The following ADSL variants were observed in gnomAD, a reference collection of about 807,000 sequenced individuals.
The protein encoded by ADSL is adenylosuccinate lyase.
In ADSL, 44 loss-of-function variants were observed where a neutral mutation model predicts 62.1. The observed-to-expected ratio is 0.71, with a 90% CI of 0.56 to 0.91. The LOEUF is 0.91. Ranked by LOEUF, ADSL falls within the 40% of genes least tolerant of loss-of-function variation. The pLI is 0.00. For missense variants in ADSL, 531 were observed against 627.4 expected, an observed-to-expected ratio of 0.85 and a Z score of 1.64; for synonymous variants, 198 against 220.5, an observed-to-expected ratio of 0.90 and a Z score of 0.90.
chr22:40,357,684 C>T (rs540272976), intron 4 of ADSL, among the ~76,000 whole-genome samples: 6 of 152,344 alleles, frequency 3.9e-5, no homozygotes, highest in Middle Eastern at 6.8e-3. Context: ...CAAAGGCTTT[C>T]CTCTACTTCC....
downstream of ADSL, among the ~76,000 whole-genome samples, chr22:40,370,376 T>A (rs944809299): frequency 1.4e-5 from 2 of 144,972 alleles, no homozygotes; most frequent in African/African-American, 2.6e-5. Context: ...AAAAAAAAAA[T>A]TAGCAAGTTA....
At chr22:40,379,713 C>T (rs748538700) in intron 2 of ADSL, among the ~76,000 whole-genome samples, 1 of 151,926 alleles carries the variant, frequency 6.6e-6, no homozygotes, top group African/African-American at 2.4e-5. Flanking sequence ...TTTGTGGTCT[C>T]TGTTCTTATT....
chr22:40,386,619 G>A (rs1214444984), intron 2 of ADSL, among the ~76,000 whole-genome samples: 3 of 124,292 alleles, frequency 2.4e-5, no homozygotes, highest in Non-Finnish European at 4.7e-5. Flanking sequence ...ATCAGGTCTC[G>A]CTATGTTGCC....
intron 1 of ADSL, 31 bp downstream of exon 1, chr22:40,346,742 G>C: frequency 3.8e-6 from 6 of 1,572,336 alleles, no homozygotes; most frequent in Non-Finnish European, 5.2e-6. Context: ...GGGCTGGGCC[G>C]GGAGGGACGG....
intron 2 of ADSL, among the ~76,000 whole-genome samples, chr22:40,350,620 ATT>A (rs561019643): frequency 2.0e-5 from 3 of 147,456 alleles, no homozygotes; most frequent in Non-Finnish European, 4.5e-5. Flanking sequence ...TTTCAAAGGA[ATT>A]TTTTTTTTTT....
At chr22:40,382,254 A>G (rs1292098087) in intron 2 of ADSL, among the ~76,000 whole-genome samples, 1 of 152,220 alleles carries the variant, frequency 6.6e-6, no homozygotes, top group Non-Finnish European at 1.5e-5. Flanking sequence ...CCATTTATCT[A>G]TTGCTGTTTA....
intron 10 of ADSL, among the ~76,000 whole-genome samples, chr22:40,363,691 G>A (rs911380616): frequency 2.2e-4 from 33 of 149,968 alleles, no homozygotes; most frequent in Non-Finnish European, 3.4e-4. Flanking sequence ...AGCCGAGATC[G>A]TGTCATTGTA....
At chr22:40,347,706 C>T (rs1369919805) in intron 1 of ADSL, among the ~76,000 whole-genome samples, 2 of 152,180 alleles carry the variant, frequency 1.3e-5, no homozygotes, top group Non-Finnish European at 2.9e-5. Context: ...CAGATAGTGC[C>T]TTCTGAGACC....
downstream of ADSL, chr22:40,373,203 C>A (rs2045916558): frequency 6.6e-6 from 1 of 152,202 alleles, no homozygotes; most frequent in Admixed American, 6.5e-5. Flanking sequence ...CTACCTGACT[C>A]TAAACTCTGC....
At chr22:40,380,301 T>G (rs1191254459) in intron 2 of ADSL, among the ~76,000 whole-genome samples, 4 of 152,154 alleles carry the variant, frequency 2.6e-5, no homozygotes, top group Non-Finnish European at 5.9e-5. Flanking sequence ...ATTCTGGCAT[T>G]TATTTCTTTA....
At chr22:40,383,061 C>T (rs1349807040) in intron 2 of ADSL, among the ~76,000 whole-genome samples, 1 of 152,192 alleles carries the variant, frequency 6.6e-6, no homozygotes, top group Non-Finnish European at 1.5e-5. Context: ...GCGATTACTA[C>T]TTCAAACATT....
At chr22:40,353,948 G>A in intron 3 of ADSL, 3 of 471,784 alleles carry the variant, frequency 6.4e-6, no homozygotes, top group Non-Finnish European at 1.2e-5. Flanking sequence ...TTTAAACGAA[G>A]AGAGTGCAAC....
intron 2 of ADSL, among the ~76,000 whole-genome samples, chr22:40,383,466 CA>C (rs534039238): frequency 0.3 from 26,535 of 87,242 alleles, 2,401 homozygotes; most frequent in Admixed American, 0.47. Flanking sequence ...GACTCTGTCT[CA>C]AAAAAAAAAA....
In ADSL at chr22:40,346,676, C is replaced by G; in HGVS notation, c.118C>G (p.Arg40Gly). ...FSDRYKFRTW[R>G]QLWLWLAEAE... Reference sequence around the variant, plus strand: ...CGACAGGTATAAATTCCGGACATGGCGGCAGCTGTGGCTGTGGCTGGCGGA... The same window carrying G: ...CGACAGGTATAAATTCCGGACATGGGGGCAGCTGTGGCTGTGGCTGGCGGA... The change falls in exon 1 of 13, where the codon CGG becomes GGG. Residue 40 changes from arginine (R) to glycine (G), a missense_variant. This residue lies in a region of ADSL where 471 missense variants were observed against 592.9 expected (regional missense o/e 0.79). Transcript: ENST00000623063. 6.2e-7 allele frequency: 1 copy of G among 1,612,534 alleles called. No individual in the cohort carries two copies. Among genetic ancestry groups the G allele is most frequent in the Non-Finnish European group, 8.5e-7 (1 of 1,179,640 alleles).
At chr22:40,352,309 T>C (rs909580284) in intron 2 of ADSL, among the ~76,000 whole-genome samples, 1 of 152,122 alleles carries the variant, frequency 6.6e-6, no homozygotes, top group East Asian at 1.9e-4. Flanking sequence ...GGGCGGATCA[T>C]GAGGTCAGGT....
chr22:40,359,136 T>C (rs2044673469), intron 5 of ADSL, 101 bp downstream of exon 5: 2 of 1,587,548 alleles, frequency 1.3e-6, no homozygotes, highest in Non-Finnish European at 1.7e-6. Context: ...GTGGGATGGG[T>C]GGGGTCTTTC....
intron 4 of ADSL, among the ~76,000 whole-genome samples, chr22:40,357,275 T>C (rs1437613899): frequency 1.5e-5 from 2 of 137,710 alleles, no homozygotes; most frequent in African/African-American, 2.8e-5. Flanking sequence ...TTTTTTGACA[T>C]GGAGTTTCGC....
chr22:40,369,909 A>T (rs1352002350), downstream of ADSL, among the ~76,000 whole-genome samples: 1 of 152,180 alleles, frequency 6.6e-6, no homozygotes, highest in African/African-American at 2.4e-5. Flanking sequence ...GGAGAGCCTG[A>T]TGTTTGTAAA....
rs373063501 is a variant in ADSL at position 40,350,133 on chromosome 22, C to CT, written c.357+112dup. 0.059 allele frequency: 50,855 copies of CT among 866,302 alleles called. 152 individuals carry two copies. Among genetic ancestry groups the CT allele is most frequent in the African/African-American group, 0.1 (5,709 of 56,426 alleles). The allele number at this position is 866,302 out of a possible 1,614,324, so 53.7% of individuals were successfully genotyped here. A position where few individuals can be genotyped will look rare whatever the true frequency, so the allele number is the denominator to read the frequency against. On this transcript the variant is annotated intron_variant, in intron 2 of 12. Transcript: ENST00000623063. Reference sequence around the variant, plus strand: ...CAGTTGAGGAAGTGACACTATAGATCTTTTTTTTTTTTTTGAGGCAGAGTC... The same window carrying CT: ...CAGTTGAGGAAGTGACACTATAGATCTTTTTTTTTTTTTTTGAGGCAGAGTC...
Sources: gnomAD v4.1 joint callset for allele counts (sites outside exome capture counted in the v4.1 genomes callset) on GRCh38, gnomAD v4.1.1 for gene constraint, gnomAD v4.1.1 regional missense constraint, MANE v1.5 for transcripts, NCBI Gene and HGNC (gene_info 2026-07-23, HGNC 2026-07-21) for gene names.